Variants in NRXN1 observed in about 807,000 individuals in gnomAD.
The protein encoded by NRXN1 is neurexin-1.
In NRXN1, 39 loss-of-function variants were observed where a neutral mutation model predicts 150.9. The observed-to-expected ratio is 0.26, with a 90% CI of 0.20 to 0.34. The LOEUF (loss-of-function observed/expected upper bound fraction) is 0.34, where lower values mean the gene tolerates loss of function less well. Ranked by LOEUF, NRXN1 falls within the 10% of genes least tolerant of loss-of-function variation. The pLI is 1.00. For missense variants in NRXN1, 1,815 were observed against 1,949.9 expected, an observed-to-expected ratio of 0.93 and a Z score of 1.30; for synonymous variants, 924 against 757.0, an observed-to-expected ratio of 1.22 and a Z score of -3.62.
intron 5 of NRXN1, among the ~76,000 whole-genome samples, chr2:50,883,469 A>G (rs1679762718): frequency 6.6e-6 from 1 of 151,368 alleles, no homozygotes; most frequent in Non-Finnish European, 1.5e-5. Flanking sequence ...TGTACCCTAC[A>G]GCAAATATTC....
intron 5 of NRXN1, among the ~76,000 whole-genome samples, chr2:50,655,668 G>A (rs186121453): frequency 6.9e-6 from 1 of 145,096 alleles, no homozygotes; most frequent in African/African-American, 2.6e-5. Flanking sequence ...TTTTTCTTTT[G>A]GGGGGGGAGG....
chr2:50,147,101 G>C (rs1294387175), intron 18 of NRXN1, among the ~76,000 whole-genome samples: 3 of 151,724 alleles, frequency 2.0e-5, no homozygotes, highest in African/African-American at 4.8e-5. Flanking sequence ...GGCTATTTCA[G>C]ATGAATGGTA....
chr2:50,739,166 T>C lies in NRXN1; in HGVS notation c.833-115551A>G, dbSNP rs1381743007. 24 of 347,540 alleles carry C rather than the reference T, an allele frequency of 6.9e-5. No homozygotes were observed. In the Admixed American group the frequency reaches 7.5e-4, roughly 11 times the overall value. 21.5% of individuals were successfully genotyped at this position (347,540 alleles called of 1,614,324 possible). Reference sequence around the variant, plus strand: ...GTCACAAATCTGTAGATGTCAAAAATTCTTACAAATCCTTATGATTATGGA... The same window carrying C: ...GTCACAAATCTGTAGATGTCAAAAACTCTTACAAATCCTTATGATTATGGA... On this transcript the variant is annotated intron_variant, in intron 5 of 22. Transcript: ENST00000401669.
chr2:50,589,772 C>A (rs563484572), intron 8 of NRXN1, among the ~76,000 whole-genome samples: 15 of 150,518 alleles, frequency 1.0e-4, no homozygotes, highest in Non-Finnish European at 2.2e-4. Flanking sequence ...TGTGTCTTGC[C>A]CAAGGTCAGG....
chr2:50,564,579 A>G (rs946312210), intron 8 of NRXN1, among the ~76,000 whole-genome samples: 3 of 152,180 alleles, frequency 2.0e-5, no homozygotes, highest in Non-Finnish European at 2.9e-5. Flanking sequence ...AGTCTGTATA[A>G]TGATATTAAA....
At chr2:49,998,288 A>G (rs1683321869) in intron 21 of NRXN1, among the ~76,000 whole-genome samples, 2 of 152,162 alleles carry the variant, frequency 1.3e-5, no homozygotes, top group African/African-American at 4.8e-5. Flanking sequence ...CTACTATATG[A>G]CCCGTGACTC....
chr2:49,924,640 T>C (rs191230539), intron 22 of NRXN1, among the ~76,000 whole-genome samples: 5 of 152,326 alleles, frequency 3.3e-5, no homozygotes, highest in Admixed American at 3.3e-4. Context: ...GAAAACACTT[T>C]CTTTTTTGCA....
chr2:50,097,026 C>T (rs888057060), intron 18 of NRXN1, among the ~76,000 whole-genome samples: 4 of 152,134 alleles, frequency 2.6e-5, no homozygotes, highest in East Asian at 3.8e-4. Context: ...GCAGAATACA[C>T]GTAAGTAAAG....
At chr2:50,235,790 C>A (rs1244648152) in intron 18 of NRXN1, among the ~76,000 whole-genome samples, 1 of 151,888 alleles carries the variant, frequency 6.6e-6, no homozygotes, top group Non-Finnish European at 1.5e-5. Context: ...GGGAAATAAA[C>A]AGAACCTCAA....
intron 21 of NRXN1, among the ~76,000 whole-genome samples, chr2:50,050,186 A>G (rs958161512): frequency 1.3e-5 from 2 of 149,450 alleles, no homozygotes; most frequent in South Asian, 2.1e-4. Flanking sequence ...TTTTAAAAGG[A>G]TATTTACTTT....
chr2:50,651,689 G>T (rs1429298128), intron 5 of NRXN1, among the ~76,000 whole-genome samples: 1 of 151,860 alleles, frequency 6.6e-6, no homozygotes, highest in African/African-American at 2.4e-5. Context: ...TTAACTTGCC[G>T]ACACACATGC....
At chr2:50,533,966 T>A (rs1233212506) in intron 10 of NRXN1, among the ~76,000 whole-genome samples, 1 of 152,136 alleles carries the variant, frequency 6.6e-6, no homozygotes, top group East Asian at 1.9e-4. Context: ...ATTATCTGTA[T>A]ATGCCCTTTA....
intron 8 of NRXN1, among the ~76,000 whole-genome samples, chr2:50,609,238 C>A (rs1437282975): frequency 6.6e-6 from 1 of 151,974 alleles, no homozygotes; most frequent in Non-Finnish European, 1.5e-5. Context: ...CATCTGCAAC[C>A]AGGACAATTC....
rs2093363351 is a variant in NRXN1, at chr2:50,540,468, T to C, written c.1760-1832A>G. 2.0e-5 allele frequency among the ~76,000 whole-genome samples: 3 copies of C among 152,266 alleles called. No homozygotes were observed. The South Asian group carries it at 6.2e-4, about 32-fold the overall frequency. Reference sequence around the variant, plus strand: ...TCATTACACGCATTTTAAAGCATCATTTTTTATATAGCCCTATTCAAAATA... The same window carrying C: ...TCATTACACGCATTTTAAAGCATCACTTTTTATATAGCCCTATTCAAAATA... On this transcript the variant is annotated intron_variant, in intron 9 of 22. Coordinates refer to ENST00000401669, the MANE Select transcript of NRXN1 (RefSeq NM_001330078.2).
chr2:50,750,147 CAAT>C (rs1189739060), intron 5 of NRXN1, among the ~76,000 whole-genome samples: 1 of 151,738 alleles, frequency 6.6e-6, no homozygotes, highest in African/African-American at 2.4e-5. Flanking sequence ...CAAACTAAAA[CAAT>C]AATAATAATA....
At chr2:50,145,976 A>G (rs1272160137) in intron 18 of NRXN1, among the ~76,000 whole-genome samples, 1 of 151,656 alleles carries the variant, frequency 6.6e-6, no homozygotes, top group Non-Finnish European at 1.5e-5. Context: ...GAAAAAAAAA[A>G]TTCATTAGTT....
intron 5 of NRXN1, among the ~76,000 whole-genome samples, chr2:50,737,231 T>A (rs1401789716): frequency 6.6e-6 from 1 of 152,092 alleles, no homozygotes; most frequent in Non-Finnish European, 1.5e-5. Context: ...CTATTTGAGA[T>A]GTTGGTGCTA....
chr2:49,952,601 T>C (rs1362910410), intron 21 of NRXN1, among the ~76,000 whole-genome samples: 3 of 152,238 alleles, frequency 2.0e-5, no homozygotes, highest in Middle Eastern at 6.8e-3. Flanking sequence ...CCTAAATGCA[T>C]AACTAATTTT....
At chr2:50,858,029 A>T (rs957842045) in intron 5 of NRXN1, among the ~76,000 whole-genome samples, 15 of 151,368 alleles carry the variant, frequency 9.9e-5, no homozygotes, top group Non-Finnish European at 4.4e-5. Flanking sequence ...ATGGGTGAGC[A>T]TTTTCTTTTC....
Sources: gnomAD v4.1 joint callset for allele counts (sites outside exome capture counted in the v4.1 genomes callset) on GRCh38, gnomAD v4.1.1 for gene constraint, MANE v1.5 for transcripts, NCBI Gene and HGNC (gene_info 2026-07-23, HGNC 2026-07-21) for gene names.